The following CENPF variants were observed in gnomAD, a reference collection of about 807,000 sequenced individuals.
CENPF encodes centromere protein F, also known as AH antigen.
In CENPF, 214 loss-of-function variants were observed where a neutral mutation model predicts 307.3. The observed-to-expected ratio is 0.70, with a 90% CI of 0.62 to 0.78. The LOEUF (loss-of-function observed/expected upper bound fraction) is 0.78, where lower values mean the gene tolerates loss of function less well. Ranked by LOEUF, CENPF falls within the 30% of genes least tolerant of loss-of-function variation. CENPF has a pLI of 0.00. For synonymous variants in CENPF, 1,259 were observed against 1,270.6 expected, an observed-to-expected ratio of 0.99 and a Z score of 0.19; for missense variants, 3,401 against 3,483.9, an observed-to-expected ratio of 0.98 and a Z score of 0.60.
rs1249169197 is a variant in CENPF at position 214,640,198 on chromosome 1, T to A, written c.1860T>A (p.Ser620=). The change falls in exon 12 of 20, where the codon TCT becomes TCA. Residue 620 remains serine, a synonymous_variant. Transcript: ENST00000366955. ...TGAAAGAAGAGAAAACTCTGTTTTC[T>A]TGTTGGAAAAGTGAAAACGAAAAAC... The part of the protein sequence containing the change: ...EELKEEKTLF[S]CWKSENEKLL... 6.3e-7 allele frequency: 1 copy of A among 1,598,246 alleles called. No homozygotes were observed. Among genetic ancestry groups the A allele is most frequent in the Non-Finnish European group, 8.5e-7 (1 of 1,176,290 alleles).
intron 15 of CENPF, 37 bp downstream of exon 15, chr1:214,651,923 A>G (rs766130558): frequency 1.3e-6 from 2 of 1,529,528 alleles, no homozygotes; most frequent in Non-Finnish European, 8.8e-7. Flanking sequence ...GGAGCTGGAG[A>G]GTGTATTTTG....
intron 1 of CENPF, chr1:214,608,478 G>A: frequency 1.2e-6 from 2 of 1,612,934 alleles, no homozygotes; most frequent in African/African-American, 1.3e-5. Context: ...CCAGGTCCAC[G>A]GCATTGCTGT....
In CENPF at chr1:214,652,878, A is replaced by G; in HGVS notation, c.8211A>G (p.Glu2737=). Residue 2737 remains glutamate (E), a synonymous_variant, in exon 16 of 20, where the codon GAA becomes GAG. Transcript: ENST00000366955. ...TYREKLTSKE[E]CLSSQKLEID... is the part of the protein sequence containing the mutation. ...GAGAGAAATTGACTTCTAAAGAAGA[A>G]TGTCTCAGTTCACAGAAGCTGGAGA... 1 of 1,606,518 alleles carries G rather than the reference A, an allele frequency of 6.2e-7. No individual in the cohort carries two copies. Among genetic ancestry groups the G allele is most frequent in the Non-Finnish European group, 8.5e-7 (1 of 1,177,838 alleles).
At position 214,641,381 on chromosome 1, in the gene CENPF, T is replaced by C. The variant is rs190391942; in HGVS notation, c.3043T>C (p.Ser1015Pro). 13 of 1,607,274 alleles carry C rather than the reference T, an allele frequency of 8.1e-6. No individual in the cohort carries two copies. The African/African-American group carries it at 1.5e-4, about 18-fold the overall frequency. ...DEREKSISEL[S>P]DQYKQEKLIL... ...AAGGGAGAAAAGCATTTCAGAGTTA[T>C]CTGATCAGTACAAGCAAGAAAAACT... The change falls in exon 12 of 20, where the codon TCT (serine) becomes CCT (proline). Residue 1015 changes from serine to proline, a missense_variant. Ser to Pro is a moderately conservative substitution (Grantham distance 74). Coordinates refer to ENST00000366955, the MANE Select transcript of CENPF (RefSeq NM_016343.4).
At chr1:214,656,536 G>T (rs1446187500) in intron 17 of CENPF, among the ~76,000 whole-genome samples, 1 of 152,182 alleles carries the variant, frequency 6.6e-6, no homozygotes, top group Non-Finnish European at 1.5e-5. Context: ...CCATACAACA[G>T]AAGCTTCATA....
chr1:214,638,704 C>G (rs1355141180), intron 11 of CENPF, among the ~76,000 whole-genome samples: 1 of 152,138 alleles, frequency 6.6e-6, no homozygotes, highest in African/African-American at 2.4e-5. Context: ...CCTGTAGTCC[C>G]AGCTACTCTG....
At chr1:214,658,135 A>G (rs372746912) in intron 18 of CENPF, among the ~76,000 whole-genome samples, 2 of 152,230 alleles carry the variant, frequency 1.3e-5, no homozygotes, top group East Asian at 3.9e-4. Flanking sequence ...ACTCTAGCCC[A>G]AAAATAGTTA....
intron 11 of CENPF, 26 bp from the exon 12 acceptor site, chr1:214,639,895 G>C: frequency 6.9e-7 from 1 of 1,450,834 alleles, no homozygotes; most frequent in Non-Finnish European, 9.1e-7. Flanking sequence ...TACAAACATT[G>C]ACGACTTTTA....
In CENPF at chr1:214,640,712, G is replaced by A; in HGVS notation, c.2374G>A (p.Ala792Thr). ...TCTTTTGGCTTTTGATCAGCAGCCT[G>A]CCATGCATCATTCCTTTGCAAATAT... ...RSLLAFDQQP[A>T]MHHSFANIIG... Residue 792 changes from alanine to threonine, a missense_variant, in exon 12 of 20, where the codon GCC becomes ACC. Physicochemically the swap from Ala to Thr is moderately conservative, Grantham distance 58. Coordinates refer to ENST00000366955, the MANE Select transcript of CENPF (RefSeq NM_016343.4). 5 of 1,614,060 alleles carry A rather than the reference G, an allele frequency of 3.1e-6. No individual in the cohort carries two copies. The highest frequency in any genetic ancestry group is 1.7e-5 in the Admixed American group (1 of 60,004).
At chr1:214,617,043 T>C (rs975441346) in intron 3 of CENPF, among the ~76,000 whole-genome samples, 6 of 148,998 alleles carry the variant, frequency 4.0e-5, no homozygotes, top group African/African-American at 1.5e-4. Flanking sequence ...TCTTTCTTCT[T>C]TTTCTTTTTC....
chr1:214,642,991 G>A lies in CENPF; in HGVS notation c.4653G>A (p.Glu1551=). 1.2e-6 allele frequency: 2 copies of A among 1,610,410 alleles called. No individual in the cohort carries two copies. The highest frequency in any genetic ancestry group is 1.7e-5 in the Admixed American group (1 of 59,054). The change falls in exon 12 of 20, where the codon GAG becomes GAA. Residue 1551 remains glutamate, a synonymous_variant. Coordinates refer to ENST00000366955, the MANE Select transcript of CENPF (RefSeq NM_016343.4). ...TPSAPAKGVE[E]LESLCEVYRQ... is the part of the protein sequence containing the mutation. ...CGGCCCCAGCGAAGGGTGTTGAAGA[G>A]CTTGAGTCCCTCTGTGAGGTGTACC...
At position 214,645,950 on chromosome 1, in the gene CENPF, G is replaced by A. The variant is rs776162995; in HGVS notation, c.6380G>A (p.Arg2127His). ...LRRGIEKLRVRIEADEKKQLH... is the reference protein window; with the variant it reads ...LRRGIEKLRVHIEADEKKQLH... ...AGAGGCATCGAGAAACTGAGAGTTC[G>A]CATTGAGGCCGATGAAAAGAAGCAG... is the stretch of plus-strand genomic sequence containing the variant. Residue 2127 changes from arginine to histidine, a missense_variant, in exon 13 of 20, where the codon CGC (arginine) becomes CAC (histidine). Physicochemically the swap from Arg to His is conservative, Grantham distance 29. Transcript: ENST00000366955. 3.7e-6 allele frequency: 6 copies of A among 1,613,994 alleles called. No homozygotes were observed. Among genetic ancestry groups the A allele is most frequent in the South Asian group, 2.2e-5 (2 of 91,086 alleles).
chr1:214,610,019 C>CTTTTTTTTTT (rs34695664), intron 1 of CENPF, among the ~76,000 whole-genome samples: 2 of 130,376 alleles, frequency 1.5e-5, no homozygotes, highest in African/African-American at 2.8e-5. Flanking sequence ...GTGCATGTGC[C>CTTTTTTTTTT]TTTTTTTTTT....
At chr1:214,650,967 T>A (rs1247275836) in intron 14 of CENPF, among the ~76,000 whole-genome samples, 1 of 150,456 alleles carries the variant, frequency 6.6e-6, no homozygotes, top group East Asian at 2.0e-4. Flanking sequence ...AAGGAAGGAG[T>A]GGTCAGCAGC....
intron 8 of CENPF, among the ~76,000 whole-genome samples, chr1:214,629,448 ACTTTT>A (rs1657745032): frequency 2.0e-5 from 3 of 152,128 alleles, no homozygotes; most frequent in South Asian, 2.1e-4. Context: ...GGAAAGGATC[ACTTTT>A]CTTCTTTTGG....
Position 214,642,178 on chromosome 1 carries a change from A to T in CENPF, c.3840A>T (p.Ser1280=), listed in dbSNP as rs368221348. 16 of 1,614,062 alleles carry T rather than the reference A, an allele frequency of 9.9e-6. No homozygotes were observed. The highest frequency in any genetic ancestry group is 1.4e-5 in the Non-Finnish European group (16 of 1,180,036). The change falls in exon 12 of 20, where the codon TCA becomes TCT. Residue 1280 remains serine (S), a synonymous_variant. Transcript: ENST00000366955. ...EKYISGPHEL[S]TSQNDNAHLQ... is the part of the protein sequence containing the mutation. ...ATATTTCAGGGCCTCATGAGTTGTC[A>T]ACAAGTCAAAACGACAATGCACACC... is the stretch of plus-strand genomic sequence containing the variant.
In CENPF at chr1:214,651,897, G is replaced by A. The variant is rs1658473018; in HGVS notation, c.8160+11G>A. 2 of 1,587,086 alleles carry A rather than the reference G, an allele frequency of 1.3e-6. No homozygotes were observed. The highest frequency in any genetic ancestry group is 1.2e-5 in the South Asian group (1 of 85,766). On this transcript the variant is annotated intron_variant, in intron 15 of 19. Coordinates refer to ENST00000366955, the MANE Select transcript of CENPF (RefSeq NM_016343.4). ...GACACAAACAAACAGGTGAAATGTG[G>A]GGTTTGGTTACTGGGGGAGCTGGAG...
At chr1:214,614,312 T>C (rs1657278249) in intron 2 of CENPF, among the ~76,000 whole-genome samples, 1 of 152,126 alleles carries the variant, frequency 6.6e-6, no homozygotes, top group Admixed American at 6.5e-5. Context: ...TATTAGAGCA[T>C]TTTGCAGTTA....
At chr1:214,625,942 CAT>C (rs1202378903) in intron 7 of CENPF, among the ~76,000 whole-genome samples, 2 of 152,096 alleles carry the variant, frequency 1.3e-5, no homozygotes, top group Non-Finnish European at 2.9e-5. Flanking sequence ...AACTCTTAAA[CAT>C]ATTTTAAAAA....
Sources: gnomAD v4.1 joint callset for allele counts (sites outside exome capture counted in the v4.1 genomes callset) on GRCh38, gnomAD v4.1.1 for gene constraint, MANE v1.5 for transcripts, NCBI Gene and HGNC (gene_info 2026-07-23, HGNC 2026-07-21) for gene names.